The following COL18A1 variants were observed in gnomAD, a reference collection of about 807,000 sequenced individuals.
COL18A1 encodes the protein collagen type XVIII alpha 1 chain, also known as collagen alpha-1(XVIII) chain.
Under a neutral mutation model 168.0 loss-of-function variants are expected in COL18A1, and 133 were observed. The observed-to-expected ratio is 0.79, with a 90% CI of 0.69 to 0.91. COL18A1 has a LOEUF of 0.91. Among genes scored for constraint, COL18A1 ranks in the 40% least tolerant of loss-of-function variants. The pLI is 0.00. For missense variants in COL18A1, 2,126 were observed against 1,925.4 expected (o/e 1.10, Z -1.95); for synonymous variants, 949 against 809.0 (o/e 1.17, Z -2.94).
At position 45,477,901 on chromosome 21, in the gene COL18A1, C is replaced by T; in HGVS notation, c.1157C>T (p.Pro386Leu). 1 of 1,565,458 alleles carries T rather than the reference C, an allele frequency of 6.4e-7. No homozygotes were observed. The highest frequency in any genetic ancestry group is 8.7e-7 in the Non-Finnish European group (1 of 1,155,220). Residue 386 changes from proline to leucine, a missense_variant, in exon 8 of 42, where the codon CCC (proline) becomes CTC (leucine). Pro to Leu is a moderately conservative substitution (Grantham distance 98). Coordinates refer to ENST00000651438, the MANE Select transcript of COL18A1 (RefSeq NM_001379500.1). ...GPAGPALQTVPGPQGPPGPPG... is the reference protein window; with the variant it reads ...GPAGPALQTVLGPQGPPGPPG... ...GCAGGCCCAGCGTTGCAAACTGTCC[C>T]CGGACCACAAGGACCCCCAGGGCCT...
chr21:45,483,315 C>T (rs1228536666), intron 15 of COL18A1, among the ~76,000 whole-genome samples: 2 of 152,222 alleles, frequency 1.3e-5, no homozygotes, highest in East Asian at 3.8e-4. Flanking sequence ...GCGCTGAAGG[C>T]AGCCCGGGTG....
chr21:45,406,401 G>C (rs1183333831), intron 2 of COL18A1, among the ~76,000 whole-genome samples: 1 of 152,240 alleles, frequency 6.6e-6, no homozygotes, highest in Non-Finnish European at 1.5e-5. Context: ...GTAATAATTT[G>C]TTTCATTGTT....
At chr21:45,507,677 G>A (rs375859726) in intron 38 of COL18A1, 84 bp downstream of exon 38, 29 of 1,332,790 alleles carry the variant, frequency 2.2e-5, no homozygotes, top group Admixed American at 7.5e-5. Flanking sequence ...GGAACAACAC[G>A]TGGTCCTTTG....
intron 2 of COL18A1, among the ~76,000 whole-genome samples, chr21:45,458,364 G>A (rs934351730): frequency 6.6e-6 from 1 of 151,840 alleles, no homozygotes; most frequent in East Asian, 1.9e-4. Context: ...GGCAGGGGCC[G>A]TGCCCACGGC....
At chr21:45,441,591 C>T (rs1349533145) in intron 2 of COL18A1, among the ~76,000 whole-genome samples, 2 of 152,198 alleles carry the variant, frequency 1.3e-5, no homozygotes, top group African/African-American at 4.8e-5. Flanking sequence ...TGTTCATGTT[C>T]CCCCTGCTCC....
Position 45,468,588 on chromosome 21 carries a change from C to T in COL18A1, c.453C>T (p.Ala151=). 1 of 1,613,786 alleles carries T rather than the reference C, an allele frequency of 6.2e-7. No homozygotes were observed. The highest frequency in any genetic ancestry group is 8.5e-7 in the Non-Finnish European group (1 of 1,180,026). The change falls in exon 3 of 42, where the codon GCC becomes GCT. Residue 151 remains alanine, a synonymous_variant. Transcript: ENST00000651438. ...GTGCAGGCCAGACCCACACAGCCGC[C>T]AGCTTCCGGCTCCCCGCCTTCGTCG... ...EPGAGQTHTA[A]SFRLPAFVGQ...
At chr21:45,453,252 A>G (rs1317162501) in intron 2 of COL18A1, among the ~76,000 whole-genome samples, 2 of 152,208 alleles carry the variant, frequency 1.3e-5, no homozygotes, top group Non-Finnish European at 2.9e-5. Flanking sequence ...GCATATGAGC[A>G]TTCATGTCTG....
chr21:45,500,498 G>C (rs111213122), intron 32 of COL18A1, among the ~76,000 whole-genome samples: 1,211 of 54,896 alleles, frequency 0.022, 188 homozygotes, highest in African/African-American at 0.082. Context: ...TGCGTGTGTA[G>C]TGTGGGGGTG....
intron 4 of COL18A1, among the ~76,000 whole-genome samples, chr21:45,474,381 TGTGTG>T (rs2035558658): frequency 7.2e-6 from 1 of 139,722 alleles, no homozygotes; most frequent in South Asian, 2.2e-4. Context: ...TTGTGTGTTG[TGTGTG>T]TTGTATGTGT....
In COL18A1 at chr21:45,504,507, C is replaced by A. The variant is rs531174886; in HGVS notation, c.2819C>A (p.Pro940His). Reference protein sequence around the residue: ...GGFFGSSLPGPPGPPGPPGPR... With the variant: ...GGFFGSSLPGHPGPPGPPGPR... ...TTCTTCGGCTCCAGCCTGCCCGGCC[C>A]CCCCGGCCCCCCAGGCCCCCCAGGC... The change falls in exon 34 of 42, where the codon CCC becomes CAC. Residue 940 changes from proline to histidine, a missense_variant. Coordinates refer to ENST00000651438, the MANE Select transcript of COL18A1 (RefSeq NM_001379500.1). The A allele has an allele frequency of 1.9e-6, 2 of 1,047,376 alleles. No individual in the cohort carries two copies. The highest frequency in any genetic ancestry group is 5.5e-5 in the East Asian group (2 of 36,478). 64.9% of individuals were successfully genotyped at this position (1,047,376 alleles called of 1,614,324 possible). A position where few individuals can be genotyped will look rare whatever the true frequency, so the allele number is the denominator to read the frequency against.
At position 45,479,948 on chromosome 21, in the gene COL18A1, G is replaced by T; in HGVS notation, c.1295G>T (p.Gly432Val). ...QGFPGTPGDVGPKGDKGDPGV... is the reference protein window; with the variant it reads ...QGFPGTPGDVVPKGDKGDPGV... ...TTCCCCGGGACTCCAGGGGACGTAG[G>T]TCCCAAGGGCGACAAGGTGAGTCTC... The change falls in exon 10 of 42, where the codon GGT becomes GTT. Residue 432 changes from glycine (G) to valine (V), a missense_variant. Physicochemically the swap from Gly to Val is moderately radical, Grantham distance 109 (BLOSUM62 -3). Coordinates refer to ENST00000651438, the MANE Select transcript of COL18A1 (RefSeq NM_001379500.1). 6.2e-7 allele frequency: 1 copy of T among 1,613,870 alleles called. No homozygotes were observed. The highest frequency in any genetic ancestry group is 8.5e-7 in the Non-Finnish European group (1 of 1,179,942).
In COL18A1 at chr21:45,476,226, T is replaced by C. The variant is rs2035644338; in HGVS notation, c.799-125T>C. 2.8e-6 allele frequency: 4 copies of C among 1,423,662 alleles called. No homozygotes were observed. The South Asian group carries it at 5.0e-5, about 18-fold the overall frequency. 88.2% of individuals were successfully genotyped at this position (1,423,662 alleles called of 1,614,324 possible). A position where few individuals can be genotyped will look rare whatever the true frequency, so the allele number is the denominator to read the frequency against. ...CCTCGCGCACGGCCCTGGAGCACCC[T>C]CCTGTTTCAGAGGATTTTTCTTTAT... is the stretch of plus-strand genomic sequence containing the variant. On this transcript the variant is annotated intron_variant, in intron 5 of 41. Transcript: ENST00000651438.
Position 45,511,236 on chromosome 21 carries a change from C to A in COL18A1, c.3809+10C>A. On this transcript the variant is annotated intron_variant, in intron 41 of 41. Transcript: ENST00000651438. ...TGAGGCACCCCACCTGGTAGGTTCC[C>A]AGTGCCGTGTGAGCAGCTCTGAGAG... 6.8e-7 allele frequency: 1 copy of A among 1,472,602 alleles called. No homozygotes were observed. The highest frequency in any genetic ancestry group is 9.4e-7 in the Non-Finnish European group (1 of 1,068,212). 91.2% of individuals were successfully genotyped at this position (1,472,602 alleles called of 1,614,324 possible). A position where few individuals can be genotyped will look rare whatever the true frequency, so the allele number is the denominator to read the frequency against.
intron 41 of COL18A1, among the ~76,000 whole-genome samples, 177 bp downstream of exon 41, chr21:45,511,403 C>T (rs2037600619): frequency 6.6e-6 from 1 of 152,136 alleles, no homozygotes; most frequent in East Asian, 1.9e-4. Context: ...TCTGAGAAGT[C>T]ATCATTAGCA....
chr21:45,458,261 C>A (rs899791819), intron 2 of COL18A1, among the ~76,000 whole-genome samples: 7 of 150,854 alleles, frequency 4.6e-5, no homozygotes, highest in Non-Finnish European at 8.8e-5. Context: ...AGGGGCCGTG[C>A]CCGCGGCTGT....
rs946552881 is a variant in COL18A1, at chr21:45,471,728, C to G, written c.652-2167C>G. ...CTTGAACGTCATTTCCAGCTGTGTC[C>G]TGATTTCCAGCTGTGTCCTGATTTC... On this transcript the variant is annotated intron_variant, in intron 3 of 41. Transcript: ENST00000651438. This position sits in a 1 kb window ranked among gnomAD's most constrained non-coding sequence, Gnocchi z 4.4. 2.0e-5 allele frequency among the ~76,000 whole-genome samples: 3 copies of G among 151,114 alleles called. No individual in the cohort carries two copies. Among genetic ancestry groups the G allele is most frequent in the Non-Finnish European group, 3.0e-5 (2 of 67,556 alleles).
intron 27 of COL18A1, 107 bp from the exon 28 acceptor site, chr21:45,494,755 C>A: frequency 7.8e-7 from 1 of 1,280,654 alleles, no homozygotes; most frequent in Non-Finnish European, 1.1e-6. Context: ...TGATGGGTGG[C>A]CCAGGGTGCT....
At chr21:45,445,164 C>T (rs1209337112) in intron 2 of COL18A1, among the ~76,000 whole-genome samples, 1 of 152,210 alleles carries the variant, frequency 6.6e-6, no homozygotes, top group Admixed American at 6.5e-5. Context: ...TCCTTTCTGT[C>T]CCTGGGTTCC....
In COL18A1 at chr21:45,473,059, G is replaced by C. The variant is rs184466384; in HGVS notation, c.652-836G>C. 1.1e-3 allele frequency among the ~76,000 whole-genome samples: 160 copies of C among 152,358 alleles called. 1 individual carries two copies. Among genetic ancestry groups the C allele is most frequent in the African/African-American group, 3.8e-3 (158 of 41,588 alleles). On this transcript the variant is annotated intron_variant, in intron 3 of 41. Coordinates refer to ENST00000651438, the MANE Select transcript of COL18A1 (RefSeq NM_001379500.1). The surrounding 1 kb of genome is among the most constrained non-coding windows in gnomAD (Gnocchi z 4.0). ...TGCAGAACCCGCAGTGCGGCCAGTG[G>C]AGCCCCTGGTACTGTGCGCAGCCCC...
Sources: allele counts gnomAD v4.1 joint callset (sites outside exome capture counted in the v4.1 genomes callset), GRCh38; gene constraint gnomAD v4.1.1; non-coding constraint Gnocchi (gnomAD v3.1); transcripts MANE v1.5; gene names NCBI Gene and HGNC (gene_info 2026-07-23, HGNC 2026-07-21).